CASK: variants seen among roughly 807,000 people sequenced by gnomAD.
The protein encoded by CASK is peripheral plasma membrane protein CASK.
A neutral mutation model predicts 82.9 loss-of-function variants in CASK; 4 were observed. The observed-to-expected ratio is 0.05, with a 90% CI of 0.02 to 0.11. The LOEUF (loss-of-function observed/expected upper bound fraction) is 0.11, where lower values mean the gene tolerates loss of function less well. Among genes scored for constraint, CASK ranks in the 10% least tolerant of loss-of-function variants. The probability of loss-of-function intolerance (pLI) is 1.00; values close to 1 mark genes in which losing one functional copy is unlikely to be tolerated. For synonymous variants in CASK, 259 were observed against 253.5 expected, an observed-to-expected ratio of 1.02 and a Z score of -0.20; for missense variants, 358 against 720.9, an observed-to-expected ratio of 0.50 and a Z score of 5.76.
chrX:41,585,921 T>A (rs993698612), intron 14 of CASK: 7 of 110,910 alleles, frequency 6.3e-5, no homozygotes, highest in Admixed American at 2.9e-4. Flanking sequence ...TTTGAGAGGC[T>A]GAGGCAGGAG....
intron 3 of CASK, among the ~76,000 whole-genome samples, chrX:41,780,256 A>T (rs1278722278): frequency 1.8e-5 from 2 of 112,296 alleles, no homozygotes; most frequent in Non-Finnish European, 3.8e-5. Flanking sequence ...CTGTATTTAA[A>T]ATATGTTTCA....
intron 3 of CASK, among the ~76,000 whole-genome samples, chrX:41,762,104 T>C (rs1369675901): frequency 8.9e-6 from 1 of 111,972 alleles, no homozygotes; most frequent in Admixed American, 9.5e-5. Context: ...AATTGAGGCT[T>C]AAGACAAATG....
At chrX:41,691,772 C>T (rs1251583107) in intron 5 of CASK, among the ~76,000 whole-genome samples, 3 of 85,294 alleles carry the variant, frequency 3.5e-5, no homozygotes, top group African/African-American at 9.4e-5. Flanking sequence ...ACTCGGGAGG[C>T]GGAGGTTGCA....
At chrX:41,856,641 A>C (rs1196734424) in intron 1 of CASK, among the ~76,000 whole-genome samples, 2 of 110,334 alleles carry the variant, frequency 1.8e-5, no homozygotes, top group African/African-American at 3.3e-5. Context: ...GGGTCTCTGA[A>C]AAAAAGTAGC....
At chrX:41,827,191 GA>G (rs2070687290) in intron 2 of CASK, among the ~76,000 whole-genome samples, 1 of 111,768 alleles carries the variant, frequency 8.9e-6, no homozygotes, top group Non-Finnish European at 1.9e-5. Flanking sequence ...CTAAGTCACA[GA>G]AACATACACT....
chrX:41,902,374 C>T (rs1173717685), intron 1 of CASK, among the ~76,000 whole-genome samples: 3 of 110,909 alleles, frequency 2.7e-5, no homozygotes, highest in Non-Finnish European at 5.7e-5. Context: ...CTGCATTCCC[C>T]GGTTTGTGGC....
chrX:41,721,530 C>T lies in CASK; in HGVS notation c.429+17854G>A, dbSNP rs183175171. Among the ~76,000 whole-genome samples the T allele has an allele frequency of 1.1e-3, 120 of 111,687 alleles. No individual in the cohort carries two copies. The East Asian group carries it at 0.028, about 26-fold the overall frequency. On this transcript the variant is annotated intron_variant, in intron 5 of 26. Transcript: ENST00000378163. ...GGATACACAAATACATAAATCAGAA[C>T]AGGAAACCCTATCTGAACAAAGTTA... is the stretch of plus-strand genomic sequence containing the variant.
chrX:41,601,040 C>A (rs1461119927), intron 12 of CASK, among the ~76,000 whole-genome samples: 3 of 111,267 alleles, frequency 2.7e-5, no homozygotes, highest in Non-Finnish European at 5.7e-5. Flanking sequence ...TACGTGGTAC[C>A]TAGAGTAGTC....
chrX:41,896,755 T>C lies in CASK; in HGVS notation c.59+26175A>G, dbSNP rs116062359. ...CACATCAGGGTAAATGGGATATCCA[T>C]TACCTCAAGCACTTATCATTTCTGT... On this transcript the variant is annotated intron_variant, in intron 1 of 26. Transcript: ENST00000378163. Among the ~76,000 whole-genome samples, 531 of 112,158 alleles carry C rather than the reference T, an allele frequency of 4.7e-3. 6 individuals are homozygous for C. The highest frequency in any genetic ancestry group is 0.016 in the African/African-American group (507 of 30,956).
At chrX:41,578,895 T>C (rs765309919) in intron 14 of CASK, among the ~76,000 whole-genome samples, 4 of 112,455 alleles carry the variant, frequency 3.6e-5, no homozygotes, top group Non-Finnish European at 7.5e-5. Flanking sequence ...CTCAATTTTT[T>C]TGTGACAATC....
chrX:41,655,082 T>C (rs1437148276), intron 8 of CASK, among the ~76,000 whole-genome samples: 1 of 110,438 alleles, frequency 9.1e-6, no homozygotes, highest in East Asian at 2.8e-4. Context: ...AAATAAGTTA[T>C]GTCTCCTTTA....
chrX:41,536,416 C>T (rs777285853), intron 22 of CASK, among the ~76,000 whole-genome samples: 1 of 110,756 alleles, frequency 9.0e-6, no homozygotes, highest in East Asian at 2.8e-4. Flanking sequence ...CCGAAATCTG[C>T]ATTACTTTAG....
intron 12 of CASK, among the ~76,000 whole-genome samples, chrX:41,603,338 G>A (rs764819515): frequency 1.8e-5 from 2 of 111,890 alleles, no homozygotes; most frequent in African/African-American, 6.5e-5. Flanking sequence ...CTAAAAATAA[G>A]CTCTTCTAAA....
chrX:41,701,989 T>C (rs756463412), intron 5 of CASK, among the ~76,000 whole-genome samples: 2 of 112,703 alleles, frequency 1.8e-5, no homozygotes, highest in African/African-American at 6.4e-5. Context: ...ACAATGGTGA[T>C]TGCTGAGATG....
intron 2 of CASK, among the ~76,000 whole-genome samples, chrX:41,795,468 C>A (rs1318029555): frequency 9.0e-6 from 1 of 110,836 alleles, no homozygotes; most frequent in Non-Finnish European, 1.9e-5. Context: ...GAGTTTGGGA[C>A]CAGATTGGGC....
intron 2 of CASK, chrX:41,790,223 C>A (rs1274177280): frequency 1.0e-6 from 1 of 993,833 alleles, no homozygotes. Flanking sequence ...TGGTTCATAT[C>A]CATCAGCTCG....
Position 41,519,610 on chromosome X carries a change from G to T in CASK, c.*810C>A, listed in dbSNP as rs975394352. The T allele has an allele frequency of 2.7e-5, 3 of 110,530 alleles. No individual in the cohort carries two copies. The highest frequency in any genetic ancestry group is 5.7e-5 in the Non-Finnish European group (3 of 52,923). 9.1% of individuals were successfully genotyped at this position (110,530 alleles called of 1,213,427 possible). Reference sequence around the variant, plus strand: ...AAGTTGCCCAAAATGCAAGGGATGTGCATAGGTTTACAACTTAGTCATAAT... The same window carrying T: ...AAGTTGCCCAAAATGCAAGGGATGTTCATAGGTTTACAACTTAGTCATAAT... On this transcript the variant is annotated 3_prime_UTR_variant, in exon 27 of 27. Coordinates refer to ENST00000378163, the MANE Select transcript of CASK (RefSeq NM_001367721.1).
At position 41,662,836 on chromosome X, in the gene CASK, A is replaced by T. The variant is rs866314613; in HGVS notation, c.709-2275T>A. ...TGATGAAATAATTTTTTTGAAATCT[A>T]TTTTTTTTTTTTTTTTGGGAAGACA... On this transcript the variant is annotated intron_variant, in intron 7 of 26. Transcript: ENST00000378163. 3.0e-4 allele frequency among the ~76,000 whole-genome samples: 28 copies of T among 92,122 alleles called. No individual in the cohort carries two copies. The East Asian group carries it at 6.4e-3, about 21-fold the overall frequency. The allele number at this position is 92,122 out of a possible 115,157, so 80.0% of individuals were successfully genotyped here.
At chrX:41,537,298 C>T (rs1034403094) in intron 22 of CASK, among the ~76,000 whole-genome samples, 2 of 110,336 alleles carry the variant, frequency 1.8e-5, no homozygotes, top group Non-Finnish European at 3.8e-5. Flanking sequence ...GGTTGAGAAA[C>T]AATAAAAAAA....
Sources: gnomAD v4.1 joint callset for allele counts (sites outside exome capture counted in the v4.1 genomes callset) on GRCh38, gnomAD v4.1.1 for gene constraint, MANE v1.5 for transcripts, NCBI Gene and HGNC (gene_info 2026-07-23, HGNC 2026-07-21) for gene names.